The following CLCNKB variants were observed in gnomAD, a reference collection of about 807,000 sequenced individuals.
CLCNKB encodes the protein chloride channel protein ClC-Kb.
CLCNKB carries 74 observed loss-of-function variants against 83.8 expected under a neutral mutation model. That is an observed-to-expected ratio of 0.88 (90% CI 0.73 to 1.07). The LOEUF is 1.07. Ranked by LOEUF, CLCNKB falls within the 50% of genes least tolerant of loss-of-function variation. The pLI, the probability that CLCNKB is intolerant of heterozygous loss-of-function variation, is 0.00. For synonymous variants in CLCNKB, 358 were observed against 356.6 expected, an observed-to-expected ratio of 1.00 and a Z score of -0.04; for missense variants, 798 against 893.6, an observed-to-expected ratio of 0.89 and a Z score of 1.36.
chr1:16,048,408 C>T lies in CLCNKB; in HGVS notation c.564C>T (p.Ile188=). 2 of 1,613,950 alleles carry T rather than the reference C, an allele frequency of 1.2e-6. No individual in the cohort carries two copies. Among genetic ancestry groups the T allele is most frequent in the Non-Finnish European group, 1.7e-6 (2 of 1,179,982 alleles). Residue 188 remains isoleucine (I), a synonymous_variant, in exon 6 of 20, where the codon ATC becomes ATT. Coordinates refer to ENST00000375679, the MANE Select transcript of CLCNKB (RefSeq NM_000085.5). ...AYLGRVRTTT[I]GEPENKSKQN... ...TGGGCCGTGTGCGCACCACGACCAT[C>T]GGGGAGCCTGAGGTTAGGGACTCGG...
chr1:16,051,393 C>A (rs1241262080), intron 12 of CLCNKB, 85 bp from the exon 13 acceptor site: 2 of 1,500,510 alleles, frequency 1.3e-6, no homozygotes, highest in Non-Finnish European at 1.9e-6. Flanking sequence ...CTCTAGGACA[C>A]TCCCCTGTCC....
Position 16,052,354 on chromosome 1 carries a change from G to A in CLCNKB, c.1565G>A (p.Gly522Asp), listed in dbSNP as rs557597559. 1.3e-5 allele frequency: 21 copies of A among 1,613,220 alleles called. No homozygotes were observed. In the East Asian group the frequency reaches 4.2e-4, roughly 33 times the overall value. ...AQSCQPSFYD[G>D]TVIVKKLPYL... ...AGCTGCCAGCCCTCCTTCTATGATG[G>A]CACCGTCATTGTCAAGAAGCTGCCA... The change falls in exon 15 of 20, where the codon GGC becomes GAC. Residue 522 changes from glycine to aspartate, a missense_variant. Transcript: ENST00000375679.
chr1:16,053,544 TC>T (rs2023355918), intron 15 of CLCNKB, 94 bp from the exon 16 acceptor site: 1 of 1,579,896 alleles, frequency 6.3e-7, no homozygotes, highest in Non-Finnish European at 8.7e-7. Context: ...GAGCCGTGGG[TC>T]CCCGGTTCAA....
chr1:16,051,925 C>G (rs1267602900), intron 14 of CLCNKB, 105 bp downstream of exon 14: 19 of 964,696 alleles, frequency 2.0e-5, no homozygotes, highest in Middle Eastern at 2.9e-4. Flanking sequence ...ACTGAGTCCT[C>G]CAGTGAACCC....
At chr1:16,055,369 C>A in intron 16 of CLCNKB, 66 bp from the exon 17 acceptor site, 1 of 1,282,354 alleles carries the variant, frequency 7.8e-7, no homozygotes, top group East Asian at 2.3e-5. Context: ...TAAGTAGGTG[C>A]TAAGTAAATG....
At chr1:16,051,921 T>G (rs2023308312) in intron 14 of CLCNKB, 101 bp downstream of exon 14, 1 of 1,011,384 alleles carries the variant, frequency 9.9e-7, no homozygotes, top group Admixed American at 1.9e-5. Flanking sequence ...AGTCACTGAG[T>G]CCTCCAGTGA....
At chr1:16,051,906 G>A (rs1357276640) in intron 14 of CLCNKB, 86 bp downstream of exon 14, 22 of 1,181,672 alleles carry the variant, frequency 1.9e-5, no homozygotes, top group South Asian at 1.2e-5. Flanking sequence ...CCCAGGGCAC[G>A]GAGCAGTCAC....
At chr1:16,045,023 G>A (rs1199631595) in intron 2 of CLCNKB, among the ~76,000 whole-genome samples, 1 of 151,236 alleles carries the variant, frequency 6.6e-6, no homozygotes, top group Non-Finnish European at 1.5e-5. Context: ...ACGGGGCAGA[G>A]CAAGTAGGGA....
rs772633855 is a variant in CLCNKB at position 16,047,981 on chromosome 1, G to A, written c.435G>A (p.Gly145=). 1 of 1,613,938 alleles carries A rather than the reference G, an allele frequency of 6.2e-7. No homozygotes were observed. The highest frequency in any genetic ancestry group is 1.7e-5 in the Admixed American group (1 of 60,000). Residue 145 remains glycine (G), a synonymous_variant, in exon 5 of 20, where the codon GGG becomes GGA. Coordinates refer to ENST00000375679, the MANE Select transcript of CLCNKB (RefSeq NM_000085.5). ...LEDYLDIKNF[G]AKVVGLSCTL... is the part of the protein sequence containing the mutation. The stretch of plus-strand genomic sequence containing the variant: ...ACTACCTGGATATCAAGAACTTTGG[G>A]GCCAAAGTGGTGGGCCTCTCCTGCA...
chr1:16,050,940 C>A lies in CLCNKB; in HGVS notation c.1119C>A (p.Asn373Lys). 3.7e-6 allele frequency: 6 copies of A among 1,613,500 alleles called. No individual in the cohort carries two copies. Among genetic ancestry groups the A allele is most frequent in the Non-Finnish European group, 5.1e-6 (6 of 1,179,930 alleles). ...ACTCCTGGGCGCTGATGACCCAGAA[C>A]TCCAGCCCACCCTGGCCCGAGGAGC... ...DNHSWALMTQ[N>K]SSPPWPEELD... Residue 373 changes from asparagine (N) to lysine (K), a missense_variant, in exon 12 of 20, where the codon AAC becomes AAA. Transcript: ENST00000375679.
At chr1:16,049,974 C>T (rs2023235860) in intron 10 of CLCNKB, 58 bp downstream of exon 10, 3 of 1,432,564 alleles carry the variant, frequency 2.1e-6, no homozygotes, top group Non-Finnish European at 2.0e-6. Flanking sequence ...CACCGTACTC[C>T]CAACCTTATG....
chr1:16,053,723 G>C lies in CLCNKB; in HGVS notation c.1707G>C (p.Lys569Asn). 6.2e-7 allele frequency: 1 copy of C among 1,613,962 alleles called. No homozygotes were observed. Among genetic ancestry groups the C allele is most frequent in the Non-Finnish European group, 8.5e-7 (1 of 1,180,010 alleles). Reference sequence around the variant, plus strand: ...ACATGCCACTGGAGGAGGTGGTCAAGGTTGTGACCTCCACAGACGTGGCCA... The same window carrying C: ...ACATGCCACTGGAGGAGGTGGTCAACGTTGTGACCTCCACAGACGTGGCCA... The part of the protein sequence containing the change: ...AKDMPLEEVV[K>N]VVTSTDVAKY... Residue 569 changes from lysine (K) to asparagine (N), a missense_variant, in exon 16 of 20, where the codon AAG becomes AAC. Physicochemically the swap from Lys to Asn is moderately conservative, Grantham distance 94. Transcript: ENST00000375679.
At chr1:16,055,327 A>G in intron 16 of CLCNKB, 108 bp from the exon 17 acceptor site, 1 of 883,662 alleles carries the variant, frequency 1.1e-6, no homozygotes, top group Non-Finnish European at 1.9e-6. Context: ...TAGTCACAAT[A>G]GCCCCATAGG....
chr1:16,052,421 G>A lies in CLCNKB; in HGVS notation c.1622+10G>A, dbSNP rs543860320. 2 of 1,612,726 alleles carry A rather than the reference G, an allele frequency of 1.2e-6. No homozygotes were observed. Among genetic ancestry groups the A allele is most frequent in the African/African-American group, 1.3e-5 (1 of 74,520 alleles). On this transcript the variant is annotated intron_variant, in intron 15 of 19. Transcript: ENST00000375679. ...TGGGCCGCAACATCGGGTGAGTGGT[G>A]CCCACCTCAGGCTGACTGAAGGGGG... is the stretch of plus-strand genomic sequence containing the variant.
At position 16,049,959 on chromosome 1, in the gene CLCNKB, C is replaced by T. The variant is rs551691887; in HGVS notation, c.968+43C>T. On this transcript the variant is annotated intron_variant, in intron 10 of 19. Transcript: ENST00000375679. ...GGCTGGGGACCTCTCAGCGAGCTCC[C>T]CCCTCACCGTACTCCCAACCTTATG... is the stretch of plus-strand genomic sequence containing the variant. 230 of 1,538,518 alleles carry T rather than the reference C, an allele frequency of 1.5e-4. 4 individuals carry two copies. The South Asian group carries it at 2.3e-3, about 15-fold the overall frequency.
rs1345239508 is a variant in CLCNKB, at chr1:16,052,224, AC to A, written c.1438del (p.His480ThrfsTer12). ...GGCTGCAGCCTTCTCAGGGGCTGTG[AC>A]CCACACCATCTCCACGGCGCTGCTG... ...AGAAAFSGAV[T>X]HTISTALLAF... On this transcript the variant is annotated frameshift_variant, in exon 15 of 20. Coordinates refer to ENST00000375679, the MANE Select transcript of CLCNKB (RefSeq NM_000085.5). LOFTEE classifies it high-confidence loss of function. The A allele has an allele frequency of 1.1e-5, 17 of 1,613,012 alleles. No individual in the cohort carries two copies. The highest frequency in any genetic ancestry group is 1.4e-5 in the Non-Finnish European group (17 of 1,179,998).
At chr1:16,055,835 G>A in intron 18 of CLCNKB, 77 bp downstream of exon 18, 1 of 1,410,668 alleles carries the variant, frequency 7.1e-7, no homozygotes, top group Non-Finnish European at 1.0e-6. Context: ...TCACGCTCCA[G>A]CCTCCCCTCC....
chr1:16,048,262 TG>T (rs1476965199), intron 5 of CLCNKB, 80 bp from the exon 6 acceptor site: 3 of 1,556,530 alleles, frequency 1.9e-6, no homozygotes, highest in African/African-American at 1.4e-5. Flanking sequence ...GAGGGGGTGT[TG>T]GGGGGAAGCC....
chr1:16,048,920 A>G, intron 7 of CLCNKB, 200 bp from the exon 8 acceptor site: 1 of 1,456,776 alleles, frequency 6.9e-7, no homozygotes, highest in Non-Finnish European at 9.0e-7. Flanking sequence ...GCACACCCGC[A>G]TTCCAGGCTG....
Sources: gnomAD v4.1 joint callset for allele counts (sites outside exome capture counted in the v4.1 genomes callset) on GRCh38, gnomAD v4.1.1 for gene constraint, MANE v1.5 for transcripts, NCBI Gene and HGNC (gene_info 2026-07-23, HGNC 2026-07-21) for gene names.